FBL: variants seen among roughly 807,000 people sequenced by gnomAD.
FBL encodes the protein rRNA 2'-O-methyltransferase fibrillarin.
A neutral mutation model predicts 42.2 loss-of-function variants in FBL; 10 were observed. The ratio of observed to expected loss-of-function variants is 0.24; its 90% CI spans 0.15 to 0.40. The LOEUF is 0.40. Among genes scored for constraint, FBL ranks in the 10% least tolerant of loss-of-function variants. The probability of loss-of-function intolerance (pLI) is 1.00; values close to 1 mark genes in which losing one functional copy is unlikely to be tolerated. For synonymous variants in FBL, 165 were observed against 165.4 expected (o/e 1.00, Z 0.02); for missense variants, 351 against 439.2 (o/e 0.80, Z 1.79).
At chr19:39,834,626 A>T (rs1338120539) in intron 8 of FBL, 42 bp downstream of exon 8, 4 of 1,614,036 alleles carry the variant, frequency 2.5e-6, no homozygotes, top group Non-Finnish European at 3.4e-6. Context: ...GGTGCAAGGG[A>T]CAGAGATGTC....
intron 7 of FBL, 138 bp from the exon 8 acceptor site, chr19:39,834,951 T>C (rs1442644926): frequency 4.4e-6 from 4 of 903,404 alleles, no homozygotes; most frequent in African/African-American, 3.3e-5. Flanking sequence ...CCAAAGTTCA[T>C]GTGTTGGAAA....
At chr19:39,844,983 A>G (rs1969232814) in intron 1 of FBL, among the ~76,000 whole-genome samples, 1 of 152,192 alleles carries the variant, frequency 6.6e-6, no homozygotes, top group Non-Finnish European at 1.5e-5. Flanking sequence ...GAATGCCTGC[A>G]GGCAAGCCAG....
intron 5 of FBL, 83 bp from the exon 6 acceptor site, chr19:39,837,926 G>A: frequency 8.7e-7 from 1 of 1,154,270 alleles, no homozygotes; most frequent in East Asian, 2.7e-5. Context: ...ACTATACACA[G>A]CATCTCTTCC....
At chr19:39,839,620 C>T (rs534870709) in intron 4 of FBL, among the ~76,000 whole-genome samples, 9 of 151,276 alleles carry the variant, frequency 5.9e-5, no homozygotes, top group East Asian at 1.9e-4. Flanking sequence ...AGAGAAGATA[C>T]GGAGTTTGGG....
intron 1 of FBL, among the ~76,000 whole-genome samples, chr19:39,845,021 C>G (rs1012262975): frequency 3.2e-4 from 49 of 152,094 alleles, no homozygotes; most frequent in African/African-American, 1.1e-3. Flanking sequence ...CCTACAATCC[C>G]CCACCCCACT....
intron 1 of FBL, among the ~76,000 whole-genome samples, chr19:39,842,407 A>G (rs1470075452): frequency 6.6e-6 from 1 of 152,150 alleles, no homozygotes; most frequent in African/African-American, 2.4e-5. Flanking sequence ...TTTTGTAAAG[A>G]TACATTATGA....
chr19:39,836,549 C>T lies in FBL; in HGVS notation c.795+7G>A. On this transcript the variant is annotated splice_region_variant and intron_variant, in intron 7 of 8. Transcript: ENST00000221801. ...CACCCCATCTTAGACTCTTCCAAAC[C>T]CCGCACCTTAATGGAAATCACAAAG... 1 of 1,596,492 alleles carries T rather than the reference C, an allele frequency of 6.3e-7. No individual in the cohort carries two copies.
At position 39,840,884 on chromosome 19, in the gene FBL, C is replaced by A; in HGVS notation, c.11-97G>T. On this transcript the variant is annotated intron_variant, in intron 1 of 8. Coordinates refer to ENST00000221801, the MANE Select transcript of FBL (RefSeq NM_001436.4). The surrounding 1 kb of genome is among the most constrained non-coding windows in gnomAD (Gnocchi z 4.5). ...CCTCTCAGGTGAGAAACCTGAAATA[C>A]ATGTGCCCGTGTACAGCAGGACACA... 8.4e-7 allele frequency: 1 copy of A among 1,190,968 alleles called. No homozygotes were observed. The highest frequency in any genetic ancestry group is 1.2e-6 in the Non-Finnish European group (1 of 868,906). The allele number at this position is 1,190,968 out of a possible 1,614,324, so 73.8% of individuals were successfully genotyped here.
intron 5 of FBL, chr19:39,838,264 GT>G (rs60647887): frequency 0.11 from 14,157 of 125,532 alleles, 585 homozygotes; most frequent in South Asian, 0.16. Context: ...AAAGCCTGAG[GT>G]TTTTTTTTTT....
intron 1 of FBL, among the ~76,000 whole-genome samples, chr19:39,841,719 C>G (rs1482393174): frequency 6.6e-6 from 1 of 152,240 alleles, no homozygotes; most frequent in Non-Finnish European, 1.5e-5. Context: ...CCTAACTCAT[C>G]TCCCTGCTTC....
chr19:39,843,927 T>C (rs1433513817), intron 1 of FBL, among the ~76,000 whole-genome samples: 1 of 152,224 alleles, frequency 6.6e-6, no homozygotes. Flanking sequence ...CCTCCTCATG[T>C]ACCAAAAGTA....
chr19:39,839,275 G>GAC lies in FBL; in HGVS notation c.379-71_379-70insGT, dbSNP rs200543386. On this transcript the variant is annotated intron_variant, in intron 4 of 8. Coordinates refer to ENST00000221801, the MANE Select transcript of FBL (RefSeq NM_001436.4). ...AGGACCTCACTGCCTTTAACCCTAG[G>GAC]AGCCTTGAAAGGAACTGGGCTGTCC... The GAC allele has an allele frequency of 2.3e-3, 3,104 of 1,359,886 alleles. 8 individuals carry two copies. The African/African-American group carries it at 0.03, about 13-fold the overall frequency. 84.2% of individuals were successfully genotyped at this position (1,359,886 alleles called of 1,614,324 possible). A position where few individuals can be genotyped will look rare whatever the true frequency, so the allele number is the denominator to read the frequency against.
rs146958641 is a variant in FBL, at chr19:39,839,490, G to T, written c.379-285C>A. 2.0e-5 allele frequency among the ~76,000 whole-genome samples: 3 copies of T among 152,296 alleles called. No homozygotes were observed. The East Asian group carries it at 5.8e-4, about 29-fold the overall frequency. The stretch of plus-strand genomic sequence containing the variant: ...CTACTGTGTGCCAGACCCTGCTCTA[G>T]GCGCTGGGGATACAAAACAAGGATC... On this transcript the variant is annotated intron_variant, in intron 4 of 8. Transcript: ENST00000221801.
At position 39,837,780 on chromosome 19, in the gene FBL, T is replaced by G. The variant is rs1269538043; in HGVS notation, c.613A>C (p.Lys205Gln). ...RSGRDLINLA[K>Q]KRTNIIPVIE... ...ACAGGAATGATGTTGGTCCTCTTCT[T>G]GGCCAAGTTAATGAGGTCACGGCCA... Residue 205 changes from lysine (K) to glutamine (Q), a missense_variant, in exon 6 of 9, where the codon AAG becomes CAG. Coordinates refer to ENST00000221801, the MANE Select transcript of FBL (RefSeq NM_001436.4). 5.6e-6 allele frequency: 9 copies of G among 1,609,224 alleles called. No homozygotes were observed. The highest frequency in any genetic ancestry group is 6.8e-6 in the Non-Finnish European group (8 of 1,178,192).
intron 6 of FBL, 83 bp downstream of exon 6, chr19:39,837,628 T>A: frequency 7.7e-7 from 1 of 1,293,778 alleles, no homozygotes. Context: ...TCCAACTCCA[T>A]CCGAATCAGA....
At chr19:39,842,699 C>G (rs1969184387) in intron 1 of FBL, among the ~76,000 whole-genome samples, 1 of 152,156 alleles carries the variant, frequency 6.6e-6, no homozygotes, top group South Asian at 2.1e-4. Context: ...AATAAAAAGT[C>G]CTTTCCCTGG....
At chr19:39,842,387 T>C (rs1388622825) in intron 1 of FBL, among the ~76,000 whole-genome samples, 3 of 152,176 alleles carry the variant, frequency 2.0e-5, no homozygotes, top group African/African-American at 7.2e-5. Context: ...CGCCCAGCCT[T>C]GCTCATGTTT....
At chr19:39,837,165 CTT>C (rs1176137964) in intron 6 of FBL, among the ~76,000 whole-genome samples, 2 of 152,146 alleles carry the variant, frequency 1.3e-5, no homozygotes, top group Non-Finnish European at 2.9e-5. Context: ...GCCAGTGTGA[CTT>C]TTCAAAAAAT....
chr19:39,840,135 A>C lies in FBL; in HGVS notation c.378+98T>G. The C allele has an allele frequency of 1.2e-6, 1 of 828,544 alleles. No individual in the cohort carries two copies. The highest frequency in any genetic ancestry group is 2.1e-6 in the Non-Finnish European group (1 of 483,520). The allele number at this position is 828,544 out of a possible 1,614,324, so 51.3% of individuals were successfully genotyped here. On this transcript the variant is annotated intron_variant, in intron 4 of 8. Transcript: ENST00000221801. The surrounding 1 kb of genome is among the most constrained non-coding windows in gnomAD (Gnocchi z 4.5). ...GGTTTACATATTATGACAATCCTCC[A>C]GCTGTCACGTGCAGGACACATGGTG...
Sources: allele counts gnomAD v4.1 joint callset (sites outside exome capture counted in the v4.1 genomes callset), GRCh38; gene constraint gnomAD v4.1.1; non-coding constraint Gnocchi (gnomAD v3.1); transcripts MANE v1.5; gene names NCBI Gene and HGNC (gene_info 2026-07-23, HGNC 2026-07-21).